Variants in TNFAIP8L1 observed in about 807,000 individuals in gnomAD.
The protein encoded by TNFAIP8L1 is tumor necrosis factor alpha-induced protein 8-like protein 1.
For synonymous variants in TNFAIP8L1, 127 were observed against 125.6 expected, an observed-to-expected ratio of 1.01 and a Z score of -0.08; for missense variants, 225 against 266.1, an observed-to-expected ratio of 0.85 and a Z score of 1.08.
At chr19:4,649,015 C>T (rs571293829) in intron 1 of TNFAIP8L1, among the ~76,000 whole-genome samples, 58 of 149,686 alleles carry the variant, frequency 3.9e-4, no homozygotes, top group Non-Finnish European at 5.0e-4. Flanking sequence ...CTGCAACCTA[C>T]GCCTCCTGGG....
chr19:4,649,718 G>A (rs986569756), intron 1 of TNFAIP8L1, among the ~76,000 whole-genome samples: 2 of 152,244 alleles, frequency 1.3e-5, no homozygotes, highest in Admixed American at 1.3e-4. Context: ...GGCACACATC[G>A]CTGACTCAGG....
At position 4,652,527 on chromosome 19, in the gene TNFAIP8L1, A is replaced by C. The variant is rs1397161009; in HGVS notation, c.*97A>C. 2.4e-6 allele frequency: 3 copies of C among 1,260,798 alleles called. No homozygotes were observed. The highest frequency in any genetic ancestry group is 3.2e-5 in the South Asian group (2 of 63,078). 78.1% of individuals were successfully genotyped at this position (1,260,798 alleles called of 1,614,324 possible). Reference sequence around the variant, plus strand: ...GGTTTTTTTCCACCTCTTTTCTCCCAATCGGACTCCGGCCAAACTCCCCTA... The same window carrying C: ...GGTTTTTTTCCACCTCTTTTCTCCCCATCGGACTCCGGCCAAACTCCCCTA... On this transcript the variant is annotated 3_prime_UTR_variant, in exon 2 of 2. Coordinates refer to ENST00000327473, the MANE Select transcript of TNFAIP8L1 (RefSeq NM_152362.3).
intron 1 of TNFAIP8L1, among the ~76,000 whole-genome samples, chr19:4,646,915 C>T (rs564601512): frequency 3.3e-4 from 50 of 152,354 alleles, no homozygotes; most frequent in African/African-American, 1.2e-3. Context: ...CAGGCGTGAG[C>T]CGGTGCCCGG....
chr19:4,654,895 G>A lies in TNFAIP8L1; in HGVS notation c.*2465G>A, dbSNP rs2088409313. The A allele has an allele frequency of 6.6e-6, 1 of 152,204 alleles. No individual in the cohort carries two copies. The highest frequency in any genetic ancestry group is 2.4e-5 in the African/African-American group (1 of 41,426). 9.4% of individuals were successfully genotyped at this position (152,204 alleles called of 1,614,324 possible). On this transcript the variant is annotated 3_prime_UTR_variant, in exon 2 of 2. Transcript: ENST00000327473. ...GTGCCTGTGGGGGAGGTGAAACAAG[G>A]TCCCATGACTGTTTTGCAGAACCTT...
chr19:4,647,045 C>T (rs74969212), intron 1 of TNFAIP8L1, among the ~76,000 whole-genome samples: 4,790 of 152,292 alleles, frequency 0.031, 230 homozygotes, highest in African/African-American at 0.11. Context: ...GTGTGAGCCT[C>T]GTTCCTTTTA....
chr19:4,644,918 A>C (rs1420678738), intron 1 of TNFAIP8L1, among the ~76,000 whole-genome samples: 1 of 152,086 alleles, frequency 6.6e-6, no homozygotes. Flanking sequence ...CATGGGTCTT[A>C]AAGGGCTTGG....
At position 4,639,519 on chromosome 19, in the gene TNFAIP8L1, C is replaced by CCCGGCCCCGGCT. The variant is rs1406571005; in HGVS notation, c.-108_-97dup. The CCCGGCCCCGGCT allele has an allele frequency of 4.0e-5, 6 of 151,744 alleles. No homozygotes were observed. The highest frequency in any genetic ancestry group is 1.8e-4 in the South Asian group (1 of 5,652). 9.4% of individuals were successfully genotyped at this position (151,744 alleles called of 1,614,324 possible). On this transcript the variant is annotated 5_prime_UTR_variant, in exon 1 of 2. Coordinates refer to ENST00000327473, the MANE Select transcript of TNFAIP8L1 (RefSeq NM_152362.3). ...GCCGCGCTGCCCGCCCCGCCCCGGC[C>CCCGGCCCCGGCT]CCGGCCCCGGCTCCGGCGCTGCTCC... is the stretch of plus-strand genomic sequence containing the variant.
At chr19:4,643,293 A>AAAAT (rs1429880174) in intron 1 of TNFAIP8L1, among the ~76,000 whole-genome samples, 49 of 150,938 alleles carry the variant, frequency 3.2e-4, no homozygotes, top group African/African-American at 1.1e-3. Context: ...AAAAAAAAAA[A>AAAAT]GTGGGTTGCA....
chr19:4,647,791 TA>T (rs1022068078), intron 1 of TNFAIP8L1, among the ~76,000 whole-genome samples: 4 of 151,746 alleles, frequency 2.6e-5, no homozygotes, highest in South Asian at 2.1e-4. Flanking sequence ...CCTGGCTAAT[TA>T]AAAAAAATTT....
At chr19:4,640,318 G>A (rs563826466) in intron 1 of TNFAIP8L1, 15 of 152,280 alleles carry the variant, frequency 9.9e-5, no homozygotes, top group Non-Finnish European at 1.9e-4. Flanking sequence ...GACAGAATCT[G>A]TTTTCTCTGC....
Position 4,652,517 on chromosome 19 carries a change from C to G in TNFAIP8L1, c.*87C>G, listed in dbSNP as rs2088380022. The G allele has an allele frequency of 7.5e-7, 1 of 1,330,182 alleles. No individual in the cohort carries two copies. The highest frequency in any genetic ancestry group is 1.5e-5 in the African/African-American group (1 of 66,316). The allele number at this position is 1,330,182 out of a possible 1,614,324, so 82.4% of individuals were successfully genotyped here. A position where few individuals can be genotyped will look rare whatever the true frequency, so the allele number is the denominator to read the frequency against. On this transcript the variant is annotated 3_prime_UTR_variant, in exon 2 of 2. Coordinates refer to ENST00000327473, the MANE Select transcript of TNFAIP8L1 (RefSeq NM_152362.3). ...GGGGTTTGTGGGTTTTTTTCCACCT[C>G]TTTTCTCCCAATCGGACTCCGGCCA...
intron 1 of TNFAIP8L1, among the ~76,000 whole-genome samples, chr19:4,644,110 A>G (rs2088287942): frequency 6.6e-6 from 1 of 152,188 alleles, no homozygotes; most frequent in Admixed American, 6.5e-5. Flanking sequence ...AATCCCAGCT[A>G]CTTGGGAGGC....
At chr19:4,644,202 CAA>C (rs1298012579) in intron 1 of TNFAIP8L1, among the ~76,000 whole-genome samples, 5 of 151,552 alleles carry the variant, frequency 3.3e-5, no homozygotes, top group Non-Finnish European at 4.4e-5. Context: ...GCCTGGGCAA[CAA>C]GAGTGAAACT....
rs1029823532 is a variant in TNFAIP8L1, at chr19:4,652,259, C to T, written c.390C>T (p.Ala130=). 2.6e-6 allele frequency: 4 copies of T among 1,561,052 alleles called. No individual in the cohort carries two copies. The highest frequency in any genetic ancestry group is 3.5e-6 in the Non-Finnish European group (4 of 1,156,726). The change falls in exon 2 of 2, where the codon GCC becomes GCT. Residue 130 remains alanine, a synonymous_variant. Coordinates refer to ENST00000327473, the MANE Select transcript of TNFAIP8L1 (RefSeq NM_152362.3). Reference sequence around the variant, plus strand: ...AGTGCCGCGACCTGCTGCACCAGGCCGTGGGTCCCCACCTGACCGCCAAGT... The same window carrying T: ...AGTGCCGCGACCTGCTGCACCAGGCTGTGGGTCCCCACCTGACCGCCAAGT... ...LLECRDLLHQ[A]VGPHLTAKSH...
intron 1 of TNFAIP8L1, among the ~76,000 whole-genome samples, chr19:4,648,489 G>A (rs751095478): frequency 5.9e-5 from 9 of 152,210 alleles, no homozygotes; most frequent in Non-Finnish European, 1.2e-4. Flanking sequence ...CAGCTGGGCC[G>A]CCCCAGGTGT....
chr19:4,648,486 GC>G (rs1362670893), intron 1 of TNFAIP8L1, among the ~76,000 whole-genome samples: 60 of 152,216 alleles, frequency 3.9e-4, no homozygotes, highest in Admixed American at 3.9e-3. Flanking sequence ...AGGCAGCTGG[GC>G]CGCCCCAGGT....
rs2088397885 is a variant in TNFAIP8L1, at chr19:4,653,921, TGA to T, written c.*1495_*1496del. ...TCATGCCACTGCACTCCAGCTTGGG[TGA>T]GAGTGGGACTCTGTCTTAGAAAGAA... On this transcript the variant is annotated 3_prime_UTR_variant, in exon 2 of 2. Transcript: ENST00000327473. 1 of 150,356 alleles carries T rather than the reference TGA, an allele frequency of 6.7e-6. No homozygotes were observed. The highest frequency in any genetic ancestry group is 2.5e-5 in the African/African-American group (1 of 40,696). The allele number at this position is 150,356 out of a possible 1,614,324, so 9.3% of individuals were successfully genotyped here.
intron 1 of TNFAIP8L1, among the ~76,000 whole-genome samples, chr19:4,644,407 T>C (rs1368107157): frequency 2.0e-5 from 3 of 146,460 alleles, no homozygotes; most frequent in African/African-American, 5.1e-5. Flanking sequence ...TAACCAGGCA[T>C]GGTGGCACAT....
chr19:4,654,586 C>T lies in TNFAIP8L1; in HGVS notation c.*2156C>T, dbSNP rs2088405638. 6.6e-6 allele frequency: 1 copy of T among 152,210 alleles called. No homozygotes were observed. The highest frequency in any genetic ancestry group is 1.5e-5 in the Non-Finnish European group (1 of 68,038). 9.4% of individuals were successfully genotyped at this position (152,210 alleles called of 1,614,324 possible). On this transcript the variant is annotated 3_prime_UTR_variant, in exon 2 of 2. Coordinates refer to ENST00000327473, the MANE Select transcript of TNFAIP8L1 (RefSeq NM_152362.3). ...CGAACTCCTGGGCTCAAGCGACCTA[C>T]CTACCTCGGCCTCACAAAGTGTGCA...
Sources: allele counts gnomAD v4.1 joint callset (sites outside exome capture counted in the v4.1 genomes callset), GRCh38; gene constraint gnomAD v4.1.1; transcripts MANE v1.5; gene names NCBI Gene and HGNC (gene_info 2026-07-23, HGNC 2026-07-21).